The following ANKFN1 variants were observed in gnomAD, a reference collection of about 807,000 sequenced individuals.
ANKFN1 encodes the protein ankyrin repeat and fibronectin type-III domain-containing protein 1.
Under a neutral mutation model 108.7 loss-of-function variants are expected in ANKFN1, and 74 were observed. The observed-to-expected ratio is 0.68, with a 90% confidence interval of 0.56 to 0.83. The LOEUF is 0.83. Among genes scored for constraint, ANKFN1 ranks in the 40% least tolerant of loss-of-function variants. ANKFN1 has a pLI of 0.00. For missense variants in ANKFN1, 1,505 were observed against 1,382.3 expected (o/e 1.09, Z -1.41); for synonymous variants, 547 against 516.2 (o/e 1.06, Z -0.81).
chr17:56,346,781 C>G (rs1214007082), intron 4 of ANKFN1, among the ~76,000 whole-genome samples: 1 of 150,952 alleles, frequency 6.6e-6, no homozygotes, highest in Non-Finnish European at 1.5e-5. Context: ...TTAGGTGTAC[C>G]ATTTGTAAAT....
Position 56,422,486 on chromosome 17 carries a change from C to T in ANKFN1, c.911-17841C>T, listed in dbSNP as rs181574215. On this transcript the variant is annotated intron_variant, in intron 8 of 20. Coordinates refer to ENST00000682825, the MANE Select transcript of ANKFN1 (RefSeq NM_001370326.1). ...ACACACACACGCACGCATGCACACA[C>T]GCACATACACACACACACGCATGCA... Among the ~76,000 whole-genome samples, 138 of 150,022 alleles carry T rather than the reference C, an allele frequency of 9.2e-4. 4 individuals are homozygous for T. In the East Asian group the frequency reaches 9.5e-3, roughly 10 times the overall value.
intron 8 of ANKFN1, among the ~76,000 whole-genome samples, chr17:56,426,795 A>G (rs1478676005): frequency 6.6e-6 from 1 of 152,228 alleles, no homozygotes; most frequent in Non-Finnish European, 1.5e-5. Flanking sequence ...AATCCCCCAA[A>G]AAAGAACTCC....
intron 4 of ANKFN1, among the ~76,000 whole-genome samples, chr17:56,138,949 G>A (rs1907759222): frequency 6.6e-6 from 1 of 152,074 alleles, no homozygotes; most frequent in Non-Finnish European, 1.5e-5. Context: ...AACCGTTTAG[G>A]CCTTGGAAAG....
chr17:56,129,584 T>C (rs1030834854), intron 4 of ANKFN1, among the ~76,000 whole-genome samples: 17 of 152,238 alleles, frequency 1.1e-4, no homozygotes, highest in African/African-American at 4.1e-4. Context: ...GGTTACTTTC[T>C]GAAATAGAAC....
At chr17:56,425,378 T>A (rs1210348506) in intron 8 of ANKFN1, among the ~76,000 whole-genome samples, 1 of 152,232 alleles carries the variant, frequency 6.6e-6, no homozygotes, top group African/African-American at 2.4e-5. Context: ...CTTTCTGGTC[T>A]CTTTAACTAC....
At chr17:56,151,218 T>G (rs1598145114), upstream of ANKFN1, among the ~76,000 whole-genome samples, 1 of 152,220 alleles carries the variant, frequency 6.6e-6, no homozygotes, top group East Asian at 1.9e-4. Flanking sequence ...CTCTACCTGC[T>G]GTTTTCATCA....
Position 56,511,118 on chromosome 17 carries a change from C to G in ANKFN1, c.3290C>G (p.Ala1097Gly). ...CGCCTCTACGTGGAGCCCTACGCAGCGGCCGTGGTGGCCCAGGACGAAAAA... is the reference window on the plus strand; with the variant it reads ...CGCCTCTACGTGGAGCCCTACGCAGGGGCCGTGGTGGCCCAGGACGAAAAA... Reference protein sequence around the residue: ...VRRLYVEPYAAAVVAQDEKPW... With the variant: ...VRRLYVEPYAGAVVAQDEKPW... Residue 1097 changes from alanine (A) to glycine (G), a missense_variant, in exon 21 of 21, where the codon GCG becomes GGG. Ala to Gly is a moderately conservative substitution (Grantham distance 60, BLOSUM62 0). Coordinates refer to ENST00000682825, the MANE Select transcript of ANKFN1 (RefSeq NM_001370326.1). The G allele has an allele frequency of 6.5e-7, 1 of 1,536,008 alleles. No individual in the cohort carries two copies. Among genetic ancestry groups the G allele is most frequent in the Non-Finnish European group, 8.7e-7 (1 of 1,146,854 alleles).
intron 15 of ANKFN1, among the ~76,000 whole-genome samples, chr17:56,469,815 GTA>G (rs1045607928): frequency 6.6e-6 from 1 of 151,282 alleles, no homozygotes; most frequent in African/African-American, 2.4e-5. Flanking sequence ...AAGTTCCAGG[GTA>G]CAAGTGCAGG....
intron 8 of ANKFN1, among the ~76,000 whole-genome samples, chr17:56,429,211 G>A (rs532695467): frequency 2.4e-4 from 37 of 152,260 alleles, no homozygotes; most frequent in Non-Finnish European, 2.6e-4. Context: ...TAGTGTGTTA[G>A]GGGAGAGGCA....
chr17:56,219,607 A>G (rs1915696071), intron 2 of ANKFN1, among the ~76,000 whole-genome samples: 1 of 152,214 alleles, frequency 6.6e-6, no homozygotes. Flanking sequence ...TATGATATTG[A>G]CATGCTTTCT....
rs2143353887 is a variant in ANKFN1 at position 56,133,064 on chromosome 17, A to T, written c.288+86739A>T. The stretch of plus-strand genomic sequence containing the variant: ...TTCTGTTTACACGTGAGAGATTATT[A>T]AAAAATAACCATTCAGGCTTACCTT... On this transcript the variant is annotated intron_variant, in intron 4 of 12. Coordinates refer to the ANKFN1 transcript ENST00000635860. Among the ~76,000 whole-genome samples, 3 of 152,280 alleles carry T rather than the reference A, an allele frequency of 2.0e-5. No homozygotes were observed. In the Middle Eastern group the frequency reaches 0.01, roughly 518 times the overall value.
At position 56,322,163 on chromosome 17, in the gene ANKFN1, A is replaced by G. The variant is rs114874940; in HGVS notation, c.54-4058A>G. Among the ~76,000 whole-genome samples the G allele has an allele frequency of 4.7e-3, 712 of 152,292 alleles. 10 individuals are homozygous for G. Among genetic ancestry groups the G allele is most frequent in the African/African-American group, 0.016 (682 of 41,562 alleles). On this transcript the variant is annotated intron_variant, in intron 3 of 20. Coordinates refer to ENST00000682825, the MANE Select transcript of ANKFN1 (RefSeq NM_001370326.1). Reference sequence around the variant, plus strand: ...AAAAAGAGCACAGACCACAACCTGCATGCCATAATTATCTCTAGGTGTATG... The same window carrying G: ...AAAAAGAGCACAGACCACAACCTGCGTGCCATAATTATCTCTAGGTGTATG...
intron 4 of ANKFN1, among the ~76,000 whole-genome samples, chr17:56,081,334 GTTTA>G (rs571600069): frequency 1.3e-4 from 9 of 70,912 alleles, no homozygotes; most frequent in African/African-American, 2.0e-4. Context: ...GGTTTTATTT[GTTTA>G]TTTATTTATT....
chr17:56,280,614 C>A (rs1355901538), intron 3 of ANKFN1, among the ~76,000 whole-genome samples: 6 of 152,130 alleles, frequency 3.9e-5, no homozygotes, highest in Non-Finnish European at 8.8e-5. Flanking sequence ...ATTGCATGAG[C>A]CAATCCCATA....
chr17:56,457,935 C>T lies in ANKFN1; in HGVS notation c.1513C>T (p.Leu505=), dbSNP rs2049768746. 6.2e-7 allele frequency: 1 copy of T among 1,614,108 alleles called. No individual in the cohort carries two copies. Among genetic ancestry groups the T allele is most frequent in the Non-Finnish European group, 8.5e-7 (1 of 1,180,004 alleles). Reference sequence around the variant, plus strand: ...AATATCCTCATCCTCATCCACAGTGCTGCAAACTCGGCAGAAGATGCTCGC... The same window carrying T: ...AATATCCTCATCCTCATCCACAGTGTTGCAAACTCGGCAGAAGATGCTCGC... The part of the protein sequence containing the change: ...IPISSSSSTV[L]QTRQKMLAAT... The change falls in exon 14 of 21, where the codon CTG becomes TTG. Residue 505 remains leucine (L), a synonymous_variant. Coordinates refer to ENST00000682825, the MANE Select transcript of ANKFN1 (RefSeq NM_001370326.1).
chr17:56,083,538 T>G (rs1905272909), intron 4 of ANKFN1, among the ~76,000 whole-genome samples: 1 of 151,498 alleles, frequency 6.6e-6, no homozygotes, highest in Admixed American at 6.6e-5. Context: ...CTATTGAACT[T>G]AAACCAAACT....
chr17:56,305,335 G>A (rs560744501), intron 3 of ANKFN1, among the ~76,000 whole-genome samples: 2 of 152,084 alleles, frequency 1.3e-5, no homozygotes, highest in Non-Finnish European at 1.5e-5. Context: ...AAACCATATC[G>A]TATGGCTTGA....
intron 1 of ANKFN1, among the ~76,000 whole-genome samples, chr17:56,188,573 G>GTATATATATA (rs1388598734): frequency 3.1e-5 from 3 of 95,454 alleles, no homozygotes; most frequent in Non-Finnish European, 5.9e-5. Flanking sequence ...ATGTGTGTGT[G>GTATATATATA]TGTGTGTGTA....
At chr17:56,423,456 A>C (rs1480003960) in intron 8 of ANKFN1, among the ~76,000 whole-genome samples, 1 of 152,226 alleles carries the variant, frequency 6.6e-6, no homozygotes, top group Non-Finnish European at 1.5e-5. Flanking sequence ...ACTGGTCATC[A>C]AACTAAACCA....
Sources: gnomAD v4.1 joint callset for allele counts (sites outside exome capture counted in the v4.1 genomes callset) on GRCh38, gnomAD v4.1.1 for gene constraint, MANE v1.5 for transcripts, NCBI Gene and HGNC (gene_info 2026-07-23, HGNC 2026-07-21) for gene names.